Variants in ITPR2 observed in about 807,000 individuals in gnomAD.
ITPR2 encodes the protein inositol 1,4,5-trisphosphate receptor type 2, also known as inositol 1,4,5-trisphosphate-gated calcium channel ITPR2.
ITPR2 carries 207 observed loss-of-function variants against 317.1 expected under a neutral mutation model. The observed-to-expected ratio is 0.65, with a 90% CI of 0.58 to 0.73. The LOEUF is 0.73. Ranked by LOEUF, ITPR2 falls within the 30% of genes least tolerant of loss-of-function variation. The probability of loss-of-function intolerance (pLI) is 0.00; values close to 1 mark genes in which losing one functional copy is unlikely to be tolerated. For missense variants in ITPR2, 2,613 were observed against 3,284.0 expected (o/e 0.80, Z 4.99); for synonymous variants, 1,156 against 1,149.1 (o/e 1.01, Z -0.12).
intron 48 of ITPR2, among the ~76,000 whole-genome samples, chr12:26,433,353 T>C (rs1452308973): frequency 2.0e-5 from 3 of 152,152 alleles, no homozygotes; most frequent in African/African-American, 7.2e-5. Context: ...TAGTGCACCA[T>C]GTCTTCCAGC....
intron 37 of ITPR2, among the ~76,000 whole-genome samples, chr12:26,525,364 C>G (rs138155468): frequency 6.6e-6 from 1 of 152,148 alleles, no homozygotes; most frequent in Non-Finnish European, 1.5e-5. Context: ...GTTAAGTAAA[C>G]AGACTTAGAA....
At position 26,656,299 on chromosome 12, in the gene ITPR2, A is replaced by G; in HGVS notation, c.2442T>C (p.His814=). Residue 814 remains histidine, a splice_region_variant and synonymous_variant, in exon 19 of 57, where the codon CAT becomes CAC. Coordinates refer to ENST00000381340, the MANE Select transcript of ITPR2 (RefSeq NM_002223.4). ...TCAAGACCTTTTTCCAAACATACTC[A>G]TGAATTGTGATCTTTGTGGGGATTT... The part of the protein sequence containing the change: ...WTEIPTKITI[H]EYDSITDSSR... The G allele has an allele frequency of 6.2e-7, 1 of 1,614,048 alleles. No individual in the cohort carries two copies. The highest frequency in any genetic ancestry group is 8.5e-7 in the Non-Finnish European group (1 of 1,179,932).
At chr12:26,478,508 A>C (rs148343170) in intron 43 of ITPR2, among the ~76,000 whole-genome samples, 1 of 152,276 alleles carries the variant, frequency 6.6e-6, no homozygotes, top group African/African-American at 2.4e-5. Context: ...ACCTACCCTC[A>C]GCAGGCCCAA....
chr12:26,397,037 C>T lies in ITPR2; in HGVS notation c.7696+1839G>A, dbSNP rs144783236. Among the ~76,000 whole-genome samples, 4 of 152,102 alleles carry T rather than the reference C, an allele frequency of 2.6e-5. No individual in the cohort carries two copies. In the East Asian group the frequency reaches 7.7e-4, roughly 29 times the overall value. ...AATGACCTCCTACCTGATGACTCTG[C>T]TTCTGGTACTGTTTCCTGATGAATG... On this transcript the variant is annotated intron_variant, in intron 54 of 56. Transcript: ENST00000381340.
At chr12:26,512,567 C>T (rs1943382294) in intron 37 of ITPR2, among the ~76,000 whole-genome samples, 2 of 152,116 alleles carry the variant, frequency 1.3e-5, no homozygotes, top group Admixed American at 6.5e-5. Flanking sequence ...CCTGGAAGCC[C>T]CTGCTTTGAG....
intron 21 of ITPR2, among the ~76,000 whole-genome samples, chr12:26,652,213 GCT>G (rs2136892569): frequency 6.6e-6 from 1 of 152,280 alleles, no homozygotes; most frequent in South Asian, 2.1e-4. Context: ...TCACCAGGCA[GCT>G]GTACTAAAAA....
intron 47 of ITPR2, among the ~76,000 whole-genome samples, chr12:26,437,858 G>A (rs1309242920): frequency 1.3e-5 from 2 of 152,146 alleles, no homozygotes; most frequent in African/African-American, 4.8e-5. Flanking sequence ...CTGGAGTGCA[G>A]TGTTGCAACC....
In ITPR2 at chr12:26,826,999, A is replaced by G. The variant is rs563852359; in HGVS notation, c.92+5691T>C. The stretch of plus-strand genomic sequence containing the variant: ...ACAAATCCTAGTATAGAAAAAATGG[A>G]AGGAGGAGAAAGGGACAATCAACAC... On this transcript the variant is annotated intron_variant, in intron 1 of 56. Transcript: ENST00000381340. Among the ~76,000 whole-genome samples the G allele has an allele frequency of 2.6e-5, 4 of 152,336 alleles. No individual in the cohort carries two copies. The South Asian group carries it at 8.3e-4, about 32-fold the overall frequency.
At chr12:26,711,928 A>G (rs1008604648) in intron 8 of ITPR2, among the ~76,000 whole-genome samples, 1 of 152,208 alleles carries the variant, frequency 6.6e-6, no homozygotes, top group Non-Finnish European at 1.5e-5. Context: ...CTTTCCATGC[A>G]TGCTTTTTAT....
intron 52 of ITPR2, among the ~76,000 whole-genome samples, chr12:26,408,013 A>C (rs753628435): frequency 1.3e-5 from 2 of 152,130 alleles, no homozygotes; most frequent in African/African-American, 2.4e-5. Context: ...TCATCCTCCA[A>C]GTCTCAACTT....
At chr12:26,681,713 C>A (rs933766362) in intron 13 of ITPR2, among the ~76,000 whole-genome samples, 161 bp downstream of exon 13, 3 of 152,182 alleles carry the variant, frequency 2.0e-5, no homozygotes, top group Non-Finnish European at 4.4e-5. Flanking sequence ...AAATTTCACT[C>A]ACTCACTATG....
intron 21 of ITPR2, among the ~76,000 whole-genome samples, chr12:26,637,236 G>A (rs1946882237): frequency 6.6e-6 from 1 of 152,044 alleles, no homozygotes; most frequent in Non-Finnish European, 1.5e-5. Flanking sequence ...CATCTCAGGT[G>A]GGAAGATATA....
intron 55 of ITPR2, among the ~76,000 whole-genome samples, chr12:26,356,509 G>A (rs1287218602): frequency 6.6e-6 from 1 of 152,200 alleles, no homozygotes; most frequent in African/African-American, 2.4e-5. Context: ...ATTATAAGAT[G>A]CGTAGACACA....
intron 13 of ITPR2, among the ~76,000 whole-genome samples, chr12:26,667,583 A>C (rs188588881): frequency 2.7e-4 from 41 of 152,348 alleles, no homozygotes; most frequent in African/African-American, 9.6e-4. Context: ...ATTGTGATTT[A>C]ATGTCCTCCA....
At chr12:26,796,119 A>ACAG (rs1950438181) in intron 1 of ITPR2, among the ~76,000 whole-genome samples, 2 of 152,286 alleles carry the variant, frequency 1.3e-5, no homozygotes, top group Admixed American at 1.3e-4. Context: ...GCACAAGAGA[A>ACAG]CAGCCTGTGC....
chr12:26,344,069 G>T lies in ITPR2; in HGVS notation c.7858-3741C>A, dbSNP rs146885253. The stretch of plus-strand genomic sequence containing the variant: ...AAAAGGGCAAGTTTGGTCCTTTCTT[G>T]CTCTCTCTCACCCTCTCACTTTCCA... On this transcript the variant is annotated intron_variant, in intron 55 of 56. Coordinates refer to ENST00000381340, the MANE Select transcript of ITPR2 (RefSeq NM_002223.4). Among the ~76,000 whole-genome samples, 722 of 152,234 alleles carry T rather than the reference G, an allele frequency of 4.7e-3. 7 individuals are homozygous for T. Among genetic ancestry groups the T allele is most frequent in the Non-Finnish European group, 6.5e-3 (440 of 68,002 alleles).
At chr12:26,433,992 G>C (rs139513108) in intron 48 of ITPR2, among the ~76,000 whole-genome samples, 1 of 151,940 alleles carries the variant, frequency 6.6e-6, no homozygotes, top group African/African-American at 2.4e-5. Flanking sequence ...AATATATAGG[G>C]TAAATTAAAA....
intron 26 of ITPR2, among the ~76,000 whole-genome samples, chr12:26,616,509 A>G (rs894102344): frequency 1.3e-5 from 2 of 152,222 alleles, no homozygotes; most frequent in African/African-American, 4.8e-5. Flanking sequence ...AATTTTTAGT[A>G]TCTAATATTG....
In ITPR2 at chr12:26,496,610, A is replaced by C. The variant is rs542744993; in HGVS notation, c.5074-1350T>G. On this transcript the variant is annotated intron_variant, in intron 37 of 56. Coordinates refer to ENST00000381340, the MANE Select transcript of ITPR2 (RefSeq NM_002223.4). ...ACTGGCATCTCAAACTCAATTTTTC[A>C]GAACAGAATATTCCTTCTCTTTCAA... is the stretch of plus-strand genomic sequence containing the variant. Among the ~76,000 whole-genome samples, 201 of 152,250 alleles carry C rather than the reference A, an allele frequency of 1.3e-3. 2 individuals carry two copies. Among genetic ancestry groups the C allele is most frequent in the African/African-American group, 4.6e-3 (191 of 41,536 alleles).
Sources: allele counts gnomAD v4.1 joint callset (sites outside exome capture counted in the v4.1 genomes callset), GRCh38; gene constraint gnomAD v4.1.1; transcripts MANE v1.5; gene names NCBI Gene and HGNC (gene_info 2026-07-23, HGNC 2026-07-21).